FLYWCH2: variants seen among roughly 807,000 people sequenced by gnomAD.
FLYWCH2 encodes the protein FLYWCH family member 2.
A neutral mutation model predicts 6.0 loss-of-function variants in FLYWCH2; 2 were observed. The observed-to-expected ratio is 0.33, with a 90% CI of 0.14 to 1.04. FLYWCH2 has a LOEUF of 1.04. FLYWCH2 is among the 50% of genes least tolerant of loss of function. The pLI, the probability that FLYWCH2 is intolerant of heterozygous loss-of-function variation, is 0.45. For missense variants in FLYWCH2, 192 were observed against 183.4 expected (o/e 1.05, Z -0.27); for synonymous variants, 87 against 79.3 (o/e 1.10, Z -0.52).
intron 1 of FLYWCH2, among the ~76,000 whole-genome samples, chr16:2,892,223 G>C (rs1192374121): frequency 6.7e-6 from 1 of 150,042 alleles, no homozygotes; most frequent in Admixed American, 6.7e-5. Context: ...GGCCAGGTGT[G>C]GTAGCTCATG....
chr16:2,894,760 C>G (rs530749182), intron 1 of FLYWCH2, among the ~76,000 whole-genome samples: 2 of 148,808 alleles, frequency 1.3e-5, no homozygotes, highest in South Asian at 4.2e-4. Context: ...GGTCAGAGGA[C>G]TACAGAGGGA....
Position 2,899,194 on chromosome 16 carries a change from G to C in FLYWCH2, c.*45G>C, listed in dbSNP as rs764974181. On this transcript the variant is annotated 3_prime_UTR_variant, in exon 4 of 4. Coordinates refer to ENST00000396958, the MANE Select transcript of FLYWCH2 (RefSeq NM_138439.3). ...CTCCCAGGCCACCAACCCAGCCATA[G>C]GCTCTTCTCTGTCCGCAGGGCTTCT... 1.6e-5 allele frequency: 24 copies of C among 1,472,200 alleles called. No homozygotes were observed. The highest frequency in any genetic ancestry group is 2.2e-5 in the Non-Finnish European group (24 of 1,067,796). 91.2% of individuals were successfully genotyped at this position (1,472,200 alleles called of 1,614,324 possible). A position where few individuals can be genotyped will look rare whatever the true frequency, so the allele number is the denominator to read the frequency against.
chr16:2,890,497 C>A (rs1009324061), intron 1 of FLYWCH2, among the ~76,000 whole-genome samples: 1 of 151,694 alleles, frequency 6.6e-6, no homozygotes, highest in Non-Finnish European at 1.5e-5. Context: ...TCACCGCAAT[C>A]TCCACCTTCT....
chr16:2,895,741 C>G (rs2069811920), intron 2 of FLYWCH2, among the ~76,000 whole-genome samples: 1 of 152,284 alleles, frequency 6.6e-6, no homozygotes, highest in Non-Finnish European at 1.5e-5. Flanking sequence ...AAAGTGCTGG[C>G]AGGTGCCTGG....
chr16:2,887,685 C>A (rs2069714165), intron 1 of FLYWCH2, among the ~76,000 whole-genome samples: 1 of 151,910 alleles, frequency 6.6e-6, no homozygotes, highest in South Asian at 2.1e-4. Flanking sequence ...ACGCTCCCAC[C>A]TCAGCCTCCC....
chr16:2,884,283 G>C (rs1219257240), intron 1 of FLYWCH2, among the ~76,000 whole-genome samples: 2 of 152,066 alleles, frequency 1.3e-5, no homozygotes, highest in Admixed American at 1.3e-4. Context: ...GTGGACATTA[G>C]TGATGTTTCT....
intron 1 of FLYWCH2, among the ~76,000 whole-genome samples, chr16:2,889,617 T>A (rs2069734321): frequency 6.6e-6 from 1 of 152,018 alleles, no homozygotes; most frequent in African/African-American, 2.4e-5. Context: ...ATAAAATAGT[T>A]AATGTTTTGG....
intron 1 of FLYWCH2, among the ~76,000 whole-genome samples, chr16:2,888,472 T>G (rs1160403845): frequency 7.3e-6 from 1 of 137,614 alleles, no homozygotes; most frequent in Non-Finnish European, 1.6e-5. Context: ...AGGACCAGCT[T>G]GTCAGTTTCT....
chr16:2,896,859 C>A, intron 3 of FLYWCH2, 88 bp downstream of exon 3: 1 of 1,248,564 alleles, frequency 8.0e-7, no homozygotes, highest in South Asian at 1.4e-5. Flanking sequence ...GCGCTTCTCC[C>A]TGGCATGCGG....
At chr16:2,890,341 C>T (rs2069742878) in intron 1 of FLYWCH2, among the ~76,000 whole-genome samples, 1 of 150,044 alleles carries the variant, frequency 6.7e-6, no homozygotes, top group South Asian at 2.1e-4. Flanking sequence ...CTCTGCCTCC[C>T]AGGTTAAAGC....
intron 1 of FLYWCH2, among the ~76,000 whole-genome samples, chr16:2,894,242 C>A (rs1218305863): frequency 6.6e-6 from 1 of 152,202 alleles, no homozygotes; most frequent in African/African-American, 2.4e-5. Context: ...GGAATTTGCA[C>A]GCTGGGTATG....
chr16:2,893,701 G>C (rs1030211532), intron 1 of FLYWCH2, among the ~76,000 whole-genome samples: 1 of 140,910 alleles, frequency 7.1e-6, no homozygotes, highest in Admixed American at 7.6e-5. Flanking sequence ...GCAGTGGCAC[G>C]ATCTCGGCTC....
chr16:2,898,046 G>A (rs367891344), intron 3 of FLYWCH2, among the ~76,000 whole-genome samples: 2 of 152,176 alleles, frequency 1.3e-5, no homozygotes, highest in African/African-American at 4.8e-5. Flanking sequence ...GTGAGAAAAG[G>A]TTCCTTCAGT....
At chr16:2,897,008 C>G in intron 3 of FLYWCH2, 1 of 582,500 alleles carries the variant, frequency 1.7e-6, no homozygotes, top group Non-Finnish European at 3.0e-6. Context: ...CTGGAATGCG[C>G]TGCCTACTGG....
chr16:2,892,131 G>A (rs2069764696), intron 1 of FLYWCH2, among the ~76,000 whole-genome samples: 2 of 152,076 alleles, frequency 1.3e-5, no homozygotes, highest in African/African-American at 4.8e-5. Flanking sequence ...GGTGGAGGTT[G>A]CAGTGAGCTG....
chr16:2,896,345 TC>T lies in FLYWCH2; in HGVS notation c.-98-5del. ...CACCACTGACGGGATTTTGCTTCCT[TC>T]CTTAGGACGGAACCGCTGGACTCCA... On this transcript the variant is annotated splice_polypyrimidine_tract_variant and splice_region_variant and intron_variant, in intron 2 of 3. Transcript: ENST00000396958. The T allele has an allele frequency of 7.1e-7, 1 of 1,405,570 alleles. No individual in the cohort carries two copies. Among genetic ancestry groups the T allele is most frequent in the Non-Finnish European group, 9.4e-7 (1 of 1,067,588 alleles). 87.1% of individuals were successfully genotyped at this position (1,405,570 alleles called of 1,614,324 possible).
At chr16:2,891,355 G>A (rs1313059889) in intron 1 of FLYWCH2, among the ~76,000 whole-genome samples, 1 of 152,178 alleles carries the variant, frequency 6.6e-6, no homozygotes, top group East Asian at 1.9e-4. Context: ...GCCAGGCGCA[G>A]GCAGGAGGAC....
At chr16:2,884,558 T>TAAAAAAAAGA (rs2069674906) in intron 1 of FLYWCH2, among the ~76,000 whole-genome samples, 1 of 39,286 alleles carries the variant, frequency 2.5e-5, no homozygotes, top group Non-Finnish European at 4.8e-5. Context: ...CCGTCTCTAC[T>TAAAAAAAAGA]AAAAAAAAAA....
At chr16:2,897,534 G>C (rs1011302151) in intron 3 of FLYWCH2, among the ~76,000 whole-genome samples, 1 of 152,204 alleles carries the variant, frequency 6.6e-6, no homozygotes, top group African/African-American at 2.4e-5. Flanking sequence ...CACTCCCCAG[G>C]GCCCTTGGCT....
Sources: gnomAD v4.1 joint callset for allele counts (sites outside exome capture counted in the v4.1 genomes callset) on GRCh38, gnomAD v4.1.1 for gene constraint, MANE v1.5 for transcripts, NCBI Gene and HGNC (gene_info 2026-07-23, HGNC 2026-07-21) for gene names.